DMD: variants seen among roughly 807,000 people sequenced by gnomAD.
DMD encodes the protein mutant dystrophin.
DMD carries 63 observed loss-of-function variants against 330.1 expected under a neutral mutation model. The ratio of observed to expected loss-of-function variants is 0.19; its 90% confidence interval spans 0.16 to 0.24. DMD has a LOEUF of 0.24. Ranked by LOEUF, DMD falls within the 10% of genes least tolerant of loss-of-function variation. The pLI, the probability that DMD is intolerant of heterozygous loss-of-function variation, is 1.00. For synonymous variants in DMD, 1,223 were observed against 959.8 expected (o/e 1.27, Z -5.07); for missense variants, 3,344 against 2,684.1 (o/e 1.25, Z -5.43).
At chrX:31,279,235 C>G (rs906476441) in intron 62 of DMD, among the ~76,000 whole-genome samples, 23 of 112,611 alleles carry the variant, frequency 2.0e-4, no homozygotes, top group African/African-American at 7.4e-4. Context: ...AAGCCACAAA[C>G]AGTTTAGCCT....
At position 32,099,397 on chromosome X, in the gene DMD, T is replaced by C. The variant is rs776509400; in HGVS notation, c.6438+117519A>G. Among the ~76,000 whole-genome samples, 417 of 111,026 alleles carry C rather than the reference T, an allele frequency of 3.8e-3. 2 individuals are homozygous for C. The highest frequency in any genetic ancestry group is 6.1e-3 in the Non-Finnish European group (324 of 52,951). On this transcript the variant is annotated intron_variant, in intron 44 of 78. Coordinates refer to ENST00000357033, the MANE Select transcript of DMD (RefSeq NM_004006.3). ...CCCAGCCATCCCATTACTGGGTATA[T>C]ACCCAAAGGACTATAAATCATGCTG...
intron 15 of DMD, among the ~76,000 whole-genome samples, chrX:32,569,112 T>A (rs899886977): frequency 1.1e-4 from 12 of 111,378 alleles, no homozygotes; most frequent in African/African-American, 3.9e-4. Flanking sequence ...GCCAGGAATG[T>A]AGACCTACCT....
chrX:31,696,562 T>C (rs2148841562), intron 52 of DMD, among the ~76,000 whole-genome samples: 1 of 112,223 alleles, frequency 8.9e-6, no homozygotes, highest in Non-Finnish European at 1.9e-5. Flanking sequence ...TTGGATGCTA[T>C]TTACACAGTT....
At chrX:32,178,979 T>TCTCTCTCTCTCC (rs1288976217) in intron 44 of DMD, among the ~76,000 whole-genome samples, 1 of 103,316 alleles carries the variant, frequency 9.7e-6, no homozygotes, top group East Asian at 3.0e-4. Context: ...TCTCTCTCTC[T>TCTCTCTCTCTCC]CTCCCTCTCC....
chrX:32,298,387 C>A (rs1392596885), intron 42 of DMD, among the ~76,000 whole-genome samples: 1 of 110,370 alleles, frequency 9.1e-6, no homozygotes, highest in Non-Finnish European at 1.9e-5. Flanking sequence ...TTGGCACAGA[C>A]AAGTGGAATA....
intron 62 of DMD, among the ~76,000 whole-genome samples, chrX:31,310,614 G>A (rs1190686564): frequency 9.1e-6 from 1 of 110,395 alleles, no homozygotes; most frequent in African/African-American, 3.3e-5. Flanking sequence ...GCACAAACAC[G>A]GTTCACTATA....
chrX:32,913,155 T>G lies in DMD; in HGVS notation c.94-63335A>C, dbSNP rs751330872. Among the ~76,000 whole-genome samples the G allele has an allele frequency of 5.2e-3, 575 of 111,642 alleles. 1 individual carries two copies. The highest frequency in any genetic ancestry group is 8.6e-3 in the Non-Finnish European group (456 of 53,167). On this transcript the variant is annotated intron_variant, in intron 2 of 78. Coordinates refer to ENST00000357033, the MANE Select transcript of DMD (RefSeq NM_004006.3). Reference sequence around the variant, plus strand: ...GGGATAGCTTATTGTGAAAAACGATTTTCCCCCTAGTTTAAAAGTGGCCCC... The same window carrying G: ...GGGATAGCTTATTGTGAAAAACGATGTTCCCCCTAGTTTAAAAGTGGCCCC...
intron 6 of DMD, among the ~76,000 whole-genome samples, chrX:32,810,206 A>C (rs758519327): frequency 9.0e-6 from 1 of 111,620 alleles, no homozygotes. Flanking sequence ...TGGGGAAAAA[A>C]GAAAATCCTG....
chrX:32,554,915 A>G (rs867503022), intron 16 of DMD, among the ~76,000 whole-genome samples: 2 of 67,083 alleles, frequency 3.0e-5, no homozygotes, highest in African/African-American at 1.2e-4. Context: ...GAAAGAAAGA[A>G]AGAAAGAAAG....
intron 1 of DMD, among the ~76,000 whole-genome samples, chrX:33,145,670 G>C (rs1291670256): frequency 9.2e-6 from 1 of 108,429 alleles, no homozygotes; most frequent in African/African-American, 3.3e-5. Flanking sequence ...GTAATGTCCA[G>C]TAGAAAGTAT....
chrX:32,047,400 A>T (rs2096071670), intron 44 of DMD, among the ~76,000 whole-genome samples: 1 of 111,935 alleles, frequency 8.9e-6, no homozygotes, highest in Admixed American at 9.5e-5. Context: ...ACATCTTATT[A>T]TTAGAGATGA....
chrX:32,040,922 G>A (rs2095996458), intron 44 of DMD, among the ~76,000 whole-genome samples: 1 of 111,232 alleles, frequency 9.0e-6, no homozygotes. Flanking sequence ...ACAAAACCGT[G>A]CATCCATAAG....
chrX:31,624,143 G>A (rs1040918195), intron 55 of DMD, among the ~76,000 whole-genome samples: 2 of 111,626 alleles, frequency 1.8e-5, no homozygotes, highest in African/African-American at 3.3e-5. Context: ...GGATAAATCT[G>A]CAATTTAAAA....
intron 2 of DMD, among the ~76,000 whole-genome samples, chrX:32,906,491 A>G (rs139969417): frequency 8.9e-6 from 1 of 112,042 alleles, no homozygotes; most frequent in East Asian, 2.8e-4. Context: ...GGAACAGTAA[A>G]TAAGTAGACA....
intron 55 of DMD, among the ~76,000 whole-genome samples, chrX:31,524,401 T>G (rs1399711230): frequency 9.0e-6 from 1 of 111,304 alleles, no homozygotes; most frequent in Non-Finnish European, 1.9e-5. Flanking sequence ...ACAGAGCAAT[T>G]TCCATAATGA....
chrX:31,695,467 G>A (rs2083396858), intron 52 of DMD, among the ~76,000 whole-genome samples: 1 of 110,320 alleles, frequency 9.1e-6, no homozygotes, highest in Admixed American at 9.7e-5. Context: ...TTGACAGGAT[G>A]GATGCCTCAT....
intron 16 of DMD, among the ~76,000 whole-genome samples, chrX:32,549,778 G>A (rs773530786): frequency 9.0e-6 from 1 of 110,937 alleles, no homozygotes; most frequent in Non-Finnish European, 1.9e-5. Flanking sequence ...GATAGGCCTG[G>A]GAAAAACAAA....
At chrX:31,957,768 G>A (rs1329036950) in intron 45 of DMD, among the ~76,000 whole-genome samples, 1 of 111,474 alleles carries the variant, frequency 9.0e-6, no homozygotes, top group East Asian at 2.8e-4. Context: ...AAACAAAAGA[G>A]AATTTTAAAG....
intron 21 of DMD, among the ~76,000 whole-genome samples, chrX:32,477,623 T>G (rs950031432): frequency 1.8e-5 from 2 of 110,853 alleles, no homozygotes; most frequent in Admixed American, 9.7e-5. Context: ...GCAAACCACT[T>G]TAACTGGAAA....
Sources: gnomAD v4.1 joint callset for allele counts (sites outside exome capture counted in the v4.1 genomes callset) on GRCh38, gnomAD v4.1.1 for gene constraint, MANE v1.5 for transcripts, NCBI Gene and HGNC (gene_info 2026-07-23, HGNC 2026-07-21) for gene names.